The following FOCAD variants were observed in gnomAD, a reference collection of about 807,000 sequenced individuals.
FOCAD encodes focadhesin.
Under a neutral mutation model 225.6 loss-of-function variants are expected in FOCAD, and 198 were observed. The ratio of observed to expected loss-of-function variants is 0.88; its 90% CI spans 0.78 to 0.99. The LOEUF (loss-of-function observed/expected upper bound fraction) is 0.99. FOCAD is among the 50% of genes least tolerant of loss of function. The pLI, the probability that FOCAD is intolerant of heterozygous loss-of-function variation, is 0.00. For synonymous variants in FOCAD, 897 were observed against 755.0 expected (o/e 1.19, Z -3.08); for missense variants, 2,713 against 2,123.6 (o/e 1.28, Z -5.46).
At position 20,926,114 on chromosome 9, in the gene FOCAD, T is replaced by G. The variant is rs1005174017; in HGVS notation, c.2962-187T>G. Among the ~76,000 whole-genome samples, 7 of 151,226 alleles carry G rather than the reference T, an allele frequency of 4.6e-5. No individual in the cohort carries two copies. In the East Asian group the frequency reaches 1.4e-3, roughly 29 times the overall value. Reference sequence around the variant, plus strand: ...CATCTTATTTCTTTTGGGGCACAGGTGAGGATGTATATTTGTCAACTACCT... The same window carrying G: ...CATCTTATTTCTTTTGGGGCACAGGGGAGGATGTATATTTGTCAACTACCT... On this transcript the variant is annotated intron_variant, in intron 25 of 43. Transcript: ENST00000338382.
chr9:20,795,602 G>A (rs1046979850), intron 11 of FOCAD, among the ~76,000 whole-genome samples: 1 of 151,882 alleles, frequency 6.6e-6, no homozygotes, highest in Admixed American at 6.6e-5. Context: ...TGGCTACACG[G>A]TGAAACCCCG....
intron 21 of FOCAD, among the ~76,000 whole-genome samples, chr9:20,892,711 A>C (rs980325352): frequency 6.6e-6 from 1 of 152,184 alleles, no homozygotes; most frequent in Non-Finnish European, 1.5e-5. Context: ...ACAATATTAC[A>C]TAAACGTACC....
intron 21 of FOCAD, among the ~76,000 whole-genome samples, chr9:20,903,436 A>G (rs1832711335): frequency 6.6e-6 from 1 of 151,808 alleles, no homozygotes. Flanking sequence ...TTTGCTACCT[A>G]CAGTCTATTG....
At chr9:20,890,332 G>A (rs1253977025) in intron 21 of FOCAD, among the ~76,000 whole-genome samples, 1 of 146,930 alleles carries the variant, frequency 6.8e-6, no homozygotes, top group African/African-American at 2.5e-5. Flanking sequence ...CCTTTGTCAG[G>A]TTGAAGAAGT....
intron 27 of FOCAD, among the ~76,000 whole-genome samples, chr9:20,932,269 A>G (rs920822555): frequency 5.9e-5 from 9 of 152,154 alleles, no homozygotes; most frequent in African/African-American, 1.9e-4. Context: ...AATGTTTAAA[A>G]AAGTGCTCTC....
rs1367690987 is a variant in FOCAD at position 20,659,403 on chromosome 9, T to TA, written c.-78+586dup. Among the ~76,000 whole-genome samples the TA allele has an allele frequency of 2.5e-4, 10 of 40,318 alleles. No individual in the cohort carries two copies. In the East Asian group the frequency reaches 3.8e-3, roughly 15 times the overall value. The allele number at this position is 40,318 out of a possible 152,430, so 26.5% of individuals were successfully genotyped here. A position where few individuals can be genotyped will look rare whatever the true frequency, so the allele number is the denominator to read the frequency against. On this transcript the variant is annotated intron_variant, in intron 2 of 45. Transcript: ENST00000380249. ...GCCTGAGTGACAGAGTGACTCCATC[T>TA]AAAAAAAAAGAGAAAGAAAGGAGAA...
chr9:20,965,145 A>G (rs1440223296), intron 35 of FOCAD, among the ~76,000 whole-genome samples: 2 of 152,186 alleles, frequency 1.3e-5, no homozygotes, highest in Non-Finnish European at 2.9e-5. Flanking sequence ...ACTCTTTTAT[A>G]TGGAAAAGTA....
intron 21 of FOCAD, among the ~76,000 whole-genome samples, chr9:20,902,447 T>G (rs1010367827): frequency 6.6e-6 from 1 of 151,862 alleles, no homozygotes; most frequent in Non-Finnish European, 1.5e-5. Flanking sequence ...GGTGGAGAAA[T>G]TGGTTAAAGG....
intron 10 of FOCAD, among the ~76,000 whole-genome samples, chr9:20,785,885 G>A (rs1290115896): frequency 2.0e-5 from 3 of 152,078 alleles, no homozygotes; most frequent in Non-Finnish European, 2.9e-5. Flanking sequence ...AGTGTATGAG[G>A]GTTCCAGTTT....
chr9:20,795,380 A>C (rs897191941), intron 11 of FOCAD, among the ~76,000 whole-genome samples: 1 of 152,256 alleles, frequency 6.6e-6, no homozygotes, highest in Non-Finnish European at 1.5e-5. Context: ...TTATCACAGA[A>C]AGGCTCGTAT....
chr9:20,660,752 G>A (rs747709010), intron 2 of FOCAD, among the ~76,000 whole-genome samples: 6 of 152,154 alleles, frequency 3.9e-5, no homozygotes, highest in Non-Finnish European at 8.8e-5. Flanking sequence ...GCCCCAGCAA[G>A]GGTCATTTTA....
At chr9:20,793,519 C>G (rs1240731635) in intron 11 of FOCAD, among the ~76,000 whole-genome samples, 1 of 152,122 alleles carries the variant, frequency 6.6e-6, no homozygotes, top group East Asian at 1.9e-4. Context: ...TGATGGTTCT[C>G]ATTGAAGGAA....
intron 35 of FOCAD, chr9:20,957,643 G>T (rs1587717624): frequency 8.2e-6 from 1 of 121,240 alleles, no homozygotes; most frequent in African/African-American, 3.1e-5. Flanking sequence ...CCCAAAGATA[G>T]ATAGATAGAT....
At chr9:20,903,080 G>A (rs1234188890) in intron 21 of FOCAD, among the ~76,000 whole-genome samples, 3 of 151,694 alleles carry the variant, frequency 2.0e-5, no homozygotes, top group African/African-American at 4.8e-5. Context: ...CCAGCACCAC[G>A]GTCAAGATGA....
chr9:20,866,917 T>TTTTTTTTTTTTAAAAAAAAA lies in FOCAD; in HGVS notation c.2107-12_2107-11insTTTTTTTTTTTAAAAAAAAA. 2 of 764,972 alleles carry TTTTTTTTTTTTAAAAAAAAA rather than the reference T, an allele frequency of 2.6e-6. No homozygotes were observed. The highest frequency in any genetic ancestry group is 1.8e-5 in the South Asian group (1 of 54,450). The allele number at this position is 764,972 out of a possible 1,614,324, so 47.4% of individuals were successfully genotyped here. The stretch of plus-strand genomic sequence containing the variant: ...TTTTTTTTTTTTTTTTTTTTTTTTT[T>TTTTTTTTTTTTAAAAAAAAA]ACCCTATCTAGGACCCAATTGTAGC... On this transcript the variant is annotated splice_polypyrimidine_tract_variant and intron_variant, in intron 17 of 43. Coordinates refer to ENST00000338382, the MANE Select transcript of FOCAD (RefSeq NM_001375567.1).
chr9:20,979,703 C>T (rs1840522180), intron 37 of FOCAD, among the ~76,000 whole-genome samples: 1 of 152,110 alleles, frequency 6.6e-6, no homozygotes, highest in African/African-American at 2.4e-5. Context: ...TGGATGTTAT[C>T]AAGGTCTGCA....
At chr9:20,876,539 G>C (rs1830240293) in intron 19 of FOCAD, among the ~76,000 whole-genome samples, 1 of 152,098 alleles carries the variant, frequency 6.6e-6, no homozygotes, top group African/African-American at 2.4e-5. Flanking sequence ...TGTCCTTGGT[G>C]GTTCTCAGTG....
rs765409752 is a variant in FOCAD at position 20,789,491 on chromosome 9, T to C, written c.1338T>C (p.Ala446=). 116 of 1,614,012 alleles carry C rather than the reference T, an allele frequency of 7.2e-5. No individual in the cohort carries two copies. In the East Asian group the frequency reaches 2.3e-3, roughly 32 times the overall value. Reference sequence around the variant, plus strand: ...TAGAGTCATTGCTTCCTATTACTGCTGTGATCCCTGCGCCTGCCTTTCTTC... The same window carrying C: ...TAGAGTCATTGCTTCCTATTACTGCCGTGATCCCTGCGCCTGCCTTTCTTC... The part of the protein sequence containing the change: ...ASVESLLPIT[A]VIPAPAFLLL... Residue 446 remains alanine (A), a synonymous_variant, in exon 11 of 44, where the codon GCT becomes GCC. Transcript: ENST00000338382.
At chr9:20,868,438 T>G (rs981698470) in intron 18 of FOCAD, among the ~76,000 whole-genome samples, 1 of 152,102 alleles carries the variant, frequency 6.6e-6, no homozygotes, top group Non-Finnish European at 1.5e-5. Flanking sequence ...ATTTTTTTTC[T>G]GATTTTGGAT....
Sources: gnomAD v4.1 joint callset for allele counts (sites outside exome capture counted in the v4.1 genomes callset) on GRCh38, gnomAD v4.1.1 for gene constraint, MANE v1.5 for transcripts, NCBI Gene and HGNC (gene_info 2026-07-23, HGNC 2026-07-21) for gene names.